Variants in GCNA observed in about 807,000 individuals in gnomAD.
GCNA encodes germ cell nuclear acidic peptidase, also known as germ cell nuclear acidic protein.
GCNA carries 3 observed loss-of-function variants against 38.8 expected under a neutral mutation model. The ratio of observed to expected loss-of-function variants is 0.08; its 90% CI spans 0.04 to 0.20. GCNA has a LOEUF of 0.20. Among genes scored for constraint, GCNA ranks in the 10% least tolerant of loss-of-function variants. The probability of loss-of-function intolerance (pLI) is 1.00; values close to 1 mark genes in which losing one functional copy is unlikely to be tolerated. For synonymous variants in GCNA, 195 were observed against 240.2 expected, an observed-to-expected ratio of 0.81 and a Z score of 1.74; for missense variants, 446 against 578.6, an observed-to-expected ratio of 0.77 and a Z score of 2.35.
At chrX:71,593,341 AGTGGCAGTGGCG>A (rs2040645078) in intron 4 of GCNA, among the ~76,000 whole-genome samples, 1 of 111,598 alleles carries the variant, frequency 9.0e-6, no homozygotes, top group African/African-American at 3.3e-5. Flanking sequence ...ACATTGGAGG[AGTGGCAGTGGCG>A]GTGAAGTGGT....
chrX:71,605,882 G>A (rs1444272208), intron 9 of GCNA, among the ~76,000 whole-genome samples, 153 bp downstream of exon 9: 1 of 111,406 alleles, frequency 9.0e-6, no homozygotes, highest in Non-Finnish European at 1.9e-5. Flanking sequence ...TGAGTAGGAG[G>A]GCCCAAGCAA....
intron 1 of GCNA, among the ~76,000 whole-genome samples, chrX:71,579,898 T>C (rs1453863948): frequency 3.8e-5 from 4 of 106,392 alleles, no homozygotes; most frequent in Admixed American, 3.1e-4. Context: ...AAGGCCTGTT[T>C]GGTCGAAGAT....
In GCNA at chrX:71,613,048, T is replaced by C. The variant is rs2040825806; in HGVS notation, c.*66T>C. Reference sequence around the variant, plus strand: ...TGCAGGAGATGGCTAGGATTAGCCTTGGGGATGTGATGAAAACACTTGGCA... The same window carrying C: ...TGCAGGAGATGGCTAGGATTAGCCTCGGGGATGTGATGAAAACACTTGGCA... On this transcript the variant is annotated 3_prime_UTR_variant, in exon 13 of 13. Transcript: ENST00000373696. The C allele has an allele frequency of 2.0e-5, 24 of 1,172,336 alleles. 1 individual carries two copies. In the South Asian group the frequency reaches 4.4e-4, roughly 22 times the overall value.
intron 2 of GCNA, among the ~76,000 whole-genome samples, chrX:71,584,592 C>T (rs1466147630): frequency 9.1e-6 from 1 of 109,952 alleles, no homozygotes; most frequent in Non-Finnish European, 1.9e-5. Context: ...TAGTCAGGAG[C>T]GGTGGCTCAC....
In GCNA at chrX:71,609,821, A is replaced by T. The variant is rs1410860057; in HGVS notation, c.1611+704A>T. Among the ~76,000 whole-genome samples, 7 of 111,900 alleles carry T rather than the reference A, an allele frequency of 6.3e-5. No individual in the cohort carries two copies. The South Asian group carries it at 2.6e-3, about 42-fold the overall frequency. ...ACCTGACACTAACCTGTGGGTATGG[A>T]CTGGATTGGAGAAAATCTGGAGGCA... On this transcript the variant is annotated intron_variant, in intron 10 of 12. Coordinates refer to ENST00000373696, the MANE Select transcript of GCNA (RefSeq NM_052957.5).
At chrX:71,611,823 G>T (rs2040812656) in intron 11 of GCNA, among the ~76,000 whole-genome samples, 1 of 111,553 alleles carries the variant, frequency 9.0e-6, no homozygotes, top group Non-Finnish European at 1.9e-5. Flanking sequence ...GCTCACCGAA[G>T]GCTCTTTGCC....
chrX:71,592,364 C>CT (rs1271899081), intron 3 of GCNA, among the ~76,000 whole-genome samples, 173 bp from the exon 4 acceptor site: 4 of 86,449 alleles, frequency 4.6e-5, no homozygotes, highest in South Asian at 6.7e-4. Flanking sequence ...TACTTTCCTC[C>CT]TTTTTTTTTG....
At chrX:71,585,990 CTA>C (rs2040582682) in intron 2 of GCNA, among the ~76,000 whole-genome samples, 2 of 109,268 alleles carry the variant, frequency 1.8e-5, no homozygotes, top group Admixed American at 2.0e-4. Flanking sequence ...AGCTTACTGT[CTA>C]GGGTGGGGGT....
Position 71,612,347 on chromosome X carries a change from C to A in GCNA, c.1751-8C>A. 2 of 875,551 alleles carry A rather than the reference C, an allele frequency of 2.3e-6. No homozygotes were observed. Among genetic ancestry groups the A allele is most frequent in the Non-Finnish European group, 3.1e-6 (2 of 644,724 alleles). 72.2% of individuals were successfully genotyped at this position (875,551 alleles called of 1,213,427 possible). ...AGTGCTCACATTTCTTTTCATTCTT[C>A]TTTCAAGACCGAATCCGGGATACCT... On this transcript the variant is annotated splice_polypyrimidine_tract_variant and splice_region_variant and intron_variant, in intron 11 of 12. Coordinates refer to ENST00000373696, the MANE Select transcript of GCNA (RefSeq NM_052957.5).
chrX:71,593,427 G>A (rs1182049693), intron 4 of GCNA, among the ~76,000 whole-genome samples: 1 of 111,860 alleles, frequency 8.9e-6, no homozygotes, highest in Non-Finnish European at 1.9e-5. Flanking sequence ...ATGTCCAGCC[G>A]GCTGCTGTCT....
Position 71,604,691 on chromosome X carries a change from C to T in GCNA, c.1399+15C>T, listed in dbSNP as rs758830376. 7 of 1,206,150 alleles carry T rather than the reference C, an allele frequency of 5.8e-6. No individual in the cohort carries two copies. Among genetic ancestry groups the T allele is most frequent in the Non-Finnish European group, 7.8e-6 (7 of 893,357 alleles). ...TGTGACACCTGGTAAGCCAGTCATG[C>T]CAAGTATGCCTGTCCCACTGAATGT... On this transcript the variant is annotated intron_variant, in intron 8 of 12. Transcript: ENST00000373696.
rs1232860891 is a variant in GCNA at position 71,588,296 on chromosome X, G to A, written c.60-3826G>A. On this transcript the variant is annotated intron_variant, in intron 2 of 12. Transcript: ENST00000373696. ...AATGAACCACAGATATCCTAATCATGTTATAATATATTTATTGAGTTGTAA... is the reference window on the plus strand; with the variant it reads ...AATGAACCACAGATATCCTAATCATATTATAATATATTTATTGAGTTGTAA... Among the ~76,000 whole-genome samples, 5 of 111,486 alleles carry A rather than the reference G, an allele frequency of 4.5e-5. No homozygotes were observed. In the Admixed American group the frequency reaches 4.8e-4, roughly 11 times the overall value.
At position 71,610,806 on chromosome X, in the gene GCNA, C is replaced by G. The variant is rs753594118; in HGVS notation, c.1737C>G (p.Val579=). Residue 579 remains valine, a synonymous_variant, in exon 11 of 13, where the codon GTC becomes GTG. Transcript: ENST00000373696. Reference sequence around the variant, plus strand: ...CCAAGATCCAGATTGGCTTGAAAGTCTGCGACTCTGCAGGTGATGGCAGGA... The same window carrying G: ...CCAAGATCCAGATTGGCTTGAAAGTGTGCGACTCTGCAGGTGATGGCAGGA... ...RFAKIQIGLK[V]CDSADRIRDT... 4 of 1,210,536 alleles carry G rather than the reference C, an allele frequency of 3.3e-6. No homozygotes were observed. In the African/African-American group the frequency reaches 7.0e-5, roughly 21 times the overall value.
Position 71,605,791 on chromosome X carries a change from C to T in GCNA, c.1466+62C>T, listed in dbSNP as rs768598181. ...TTGCACAGCCGTCACACTGGGCAGT[C>T]CACTGGGCACTTGGGTGGGGGTGGT... On this transcript the variant is annotated intron_variant, in intron 9 of 12. Transcript: ENST00000373696. The T allele has an allele frequency of 3.5e-5, 35 of 1,003,892 alleles. No individual in the cohort carries two copies. In the Middle Eastern group the frequency reaches 7.9e-4, roughly 23 times the overall value. 82.7% of individuals were successfully genotyped at this position (1,003,892 alleles called of 1,213,427 possible).
At chrX:71,589,929 CGTT>C (rs1272413998) in intron 2 of GCNA, among the ~76,000 whole-genome samples, 194 of 108,994 alleles carry the variant, frequency 1.8e-3, no homozygotes, top group African/African-American at 5.9e-3. Context: ...CCTCCAGCCT[CGTT>C]GTTTGATTTT....
intron 9 of GCNA, 97 bp downstream of exon 9, chrX:71,605,826 G>A (rs982955501): frequency 6.9e-6 from 5 of 725,732 alleles, no homozygotes; most frequent in Non-Finnish European, 1.0e-5. Context: ...TCTGCAAGGG[G>A]ATGGAGTCTG....
intron 7 of GCNA, among the ~76,000 whole-genome samples, chrX:71,601,782 G>C (rs781705309): frequency 3.5e-4 from 39 of 111,537 alleles, no homozygotes; most frequent in South Asian, 7.7e-4. Flanking sequence ...CTGGCCTCAA[G>C]TGATCCGTGC....
At chrX:71,590,735 G>A (rs7051014) in intron 2 of GCNA, among the ~76,000 whole-genome samples, 20 of 109,579 alleles carry the variant, frequency 1.8e-4, no homozygotes, top group African/African-American at 6.3e-4. Flanking sequence ...AGGCTGGAGT[G>A]TAGTGGCGTG....
intron 7 of GCNA, 26 bp from the exon 8 acceptor site, chrX:71,603,562 A>C: frequency 8.4e-7 from 1 of 1,194,368 alleles, no homozygotes; most frequent in Non-Finnish European, 1.1e-6. Context: ...GTATATTTAC[A>C]TATGATTGTG....
Sources: allele counts gnomAD v4.1 joint callset (sites outside exome capture counted in the v4.1 genomes callset), GRCh38; gene constraint gnomAD v4.1.1; transcripts MANE v1.5; gene names NCBI Gene and HGNC (gene_info 2026-07-23, HGNC 2026-07-21).